Variants in CSMD1 observed in about 807,000 individuals in gnomAD.
The protein encoded by CSMD1 is CUB and Sushi multiple domains 1.
A neutral mutation model predicts 417.5 loss-of-function variants in CSMD1; 213 were observed. That is an observed-to-expected ratio of 0.51 (90% CI 0.46 to 0.57). CSMD1 has a LOEUF of 0.57. Ranked by LOEUF, CSMD1 falls within the 20% of genes least tolerant of loss-of-function variation. CSMD1 has a pLI of 0.00. For missense variants in CSMD1, 6,923 were observed against 4,529.7 expected, an observed-to-expected ratio of 1.53 and a Z score of -15.17; for synonymous variants, 2,862 against 1,736.8, an observed-to-expected ratio of 1.65 and a Z score of -16.11.
At chr8:2,987,757 G>T (rs895990749) in intron 54 of CSMD1, among the ~76,000 whole-genome samples, 1 of 152,198 alleles carries the variant, frequency 6.6e-6, no homozygotes, top group Non-Finnish European at 1.5e-5. Flanking sequence ...TGCCAGCGGC[G>T]CGCATAAGGG....
intron 9 of CSMD1, 104 bp from the exon 10 acceptor site, chr8:3,575,170 TAAAAA>T (rs11352452): frequency 1.3e-3 from 1,057 of 805,314 alleles, no homozygotes; most frequent in East Asian, 1.5e-3. Flanking sequence ...CTAATCACAG[TAAAAA>T]AAAAAAAAAA....
intron 18 of CSMD1, among the ~76,000 whole-genome samples, chr8:3,374,237 G>C (rs1039437081): frequency 6.6e-6 from 1 of 152,066 alleles, no homozygotes; most frequent in Non-Finnish European, 1.5e-5. Context: ...GAGATTACAG[G>C]CGTGAGCCAC....
rs559254715 is a variant in CSMD1 at position 4,279,308 on chromosome 8, G to A, written c.415+140645C>T. 4.7e-4 allele frequency among the ~76,000 whole-genome samples: 71 copies of A among 152,292 alleles called. 2 individuals are homozygous for A. Among genetic ancestry groups the A allele is most frequent in the South Asian group, 3.9e-3 (19 of 4,832 alleles). ...AAGCCAACTGCTTCAAACAAGTCAT[G>A]AAGAAACACACAGTCACACACAAGA... On this transcript the variant is annotated intron_variant, in intron 3 of 69. Coordinates refer to ENST00000635120, the MANE Select transcript of CSMD1 (RefSeq NM_033225.6).
intron 3 of CSMD1, among the ~76,000 whole-genome samples, chr8:4,034,642 A>G (rs1470562515): frequency 6.6e-6 from 1 of 152,196 alleles, no homozygotes; most frequent in Non-Finnish European, 1.5e-5. Flanking sequence ...CACACGTTGT[A>G]TAGCCACCGT....
chr8:3,607,202 G>C (rs899910534), intron 8 of CSMD1, among the ~76,000 whole-genome samples: 1 of 152,120 alleles, frequency 6.6e-6, no homozygotes, highest in African/African-American at 2.4e-5. Flanking sequence ...GCCTAGGCCT[G>C]CACGACGTCA....
At chr8:4,616,982 T>G (rs765666568) in intron 2 of CSMD1, among the ~76,000 whole-genome samples, 1 of 152,132 alleles carries the variant, frequency 6.6e-6, no homozygotes, top group Non-Finnish European at 1.5e-5. Context: ...TTTTACCTAA[T>G]AGATTCCTTA....
intron 1 of CSMD1, among the ~76,000 whole-genome samples, chr8:4,847,526 A>AT (rs1354390419): frequency 6.6e-6 from 1 of 152,138 alleles, no homozygotes; most frequent in African/African-American, 2.4e-5. Flanking sequence ...TACACTTGTC[A>AT]TGGTTAGTGG....
intron 1 of CSMD1, among the ~76,000 whole-genome samples, chr8:4,769,040 G>T (rs555258655): frequency 1.3e-5 from 2 of 152,098 alleles, no homozygotes; most frequent in African/African-American, 4.8e-5. Flanking sequence ...AGCCATCTCG[G>T]GGAATATCAT....
intron 5 of CSMD1, among the ~76,000 whole-genome samples, chr8:3,792,883 G>C (rs1799828475): frequency 6.6e-6 from 1 of 152,146 alleles, no homozygotes; most frequent in Non-Finnish European, 1.5e-5. Context: ...TACTTGCCTT[G>C]AGAACATCTA....
intron 4 of CSMD1, among the ~76,000 whole-genome samples, chr8:4,029,612 G>C (rs1050821461): frequency 6.6e-6 from 1 of 152,114 alleles, no homozygotes; most frequent in Non-Finnish European, 1.5e-5. Flanking sequence ...AATTCAAGAT[G>C]AGGTTTTGGT....
At chr8:4,068,937 T>C (rs1017261985) in intron 3 of CSMD1, among the ~76,000 whole-genome samples, 4 of 152,186 alleles carry the variant, frequency 2.6e-5, no homozygotes, top group Non-Finnish European at 1.5e-5. Flanking sequence ...GTGGAGAAAT[T>C]CTTAGCAAAA....
intron 5 of CSMD1, among the ~76,000 whole-genome samples, chr8:3,763,024 T>C (rs897146064): frequency 1.3e-5 from 2 of 152,190 alleles, no homozygotes; most frequent in African/African-American, 4.8e-5. Flanking sequence ...ATTTGTATAG[T>C]TATTTGCTTA....
intron 23 of CSMD1, among the ~76,000 whole-genome samples, chr8:3,316,046 G>A (rs1007959738): frequency 6.6e-6 from 1 of 152,118 alleles, no homozygotes; most frequent in Non-Finnish European, 1.5e-5. Flanking sequence ...ATGCACGTAT[G>A]TTCTCTGTTG....
At chr8:3,542,849 G>C (rs563230999) in intron 10 of CSMD1, among the ~76,000 whole-genome samples, 4 of 152,310 alleles carry the variant, frequency 2.6e-5, no homozygotes, top group Admixed American at 6.5e-5. Context: ...AAAGCCCAGG[G>C]AGAGCTGCTT....
Position 3,974,285 on chromosome 8 carries a change from A to T in CSMD1, c.818+23618T>A, listed in dbSNP as rs577601822. On this transcript the variant is annotated intron_variant, in intron 5 of 69. Transcript: ENST00000635120. Reference sequence around the variant, plus strand: ...TTTTTCTTTGATTTTTAAATTATAAATCTAGTATTCTTTTTTGATTTTTTA... The same window carrying T: ...TTTTTCTTTGATTTTTAAATTATAATTCTAGTATTCTTTTTTGATTTTTTA... Among the ~76,000 whole-genome samples, 474 of 151,980 alleles carry T rather than the reference A, an allele frequency of 3.1e-3. 2 individuals carry two copies. Among genetic ancestry groups the T allele is most frequent in the Admixed American group, 6.9e-3 (106 of 15,274 alleles).
chr8:4,027,435 G>T (rs977310398), intron 4 of CSMD1, among the ~76,000 whole-genome samples: 1 of 152,020 alleles, frequency 6.6e-6, no homozygotes, highest in Non-Finnish European at 1.5e-5. Context: ...AGATCATGGG[G>T]GTGGGTCCTC....
chr8:4,269,939 T>C (rs553409024), intron 3 of CSMD1, among the ~76,000 whole-genome samples: 14 of 152,094 alleles, frequency 9.2e-5, no homozygotes, highest in Non-Finnish European at 2.1e-4. Context: ...AAGCCAACAG[T>C]TGGGGGAAAC....
intron 10 of CSMD1, among the ~76,000 whole-genome samples, chr8:3,547,290 A>G (rs1798707852): frequency 6.6e-6 from 1 of 152,384 alleles, no homozygotes; most frequent in East Asian, 1.9e-4. Flanking sequence ...ATACTCGACA[A>G]GAAAATGAAA....
intron 1 of CSMD1, among the ~76,000 whole-genome samples, chr8:4,746,636 A>G (rs1408972380): frequency 6.6e-6 from 1 of 152,144 alleles, no homozygotes; most frequent in Non-Finnish European, 1.5e-5. Flanking sequence ...TAATTATACA[A>G]TCCAACCTGG....
Sources: allele counts gnomAD v4.1 joint callset (sites outside exome capture counted in the v4.1 genomes callset), GRCh38; gene constraint gnomAD v4.1.1; transcripts MANE v1.5; gene names NCBI Gene and HGNC (gene_info 2026-07-23, HGNC 2026-07-21).